RSRC1: variants seen among roughly 807,000 people sequenced by gnomAD.
RSRC1 encodes arginine and serine rich coiled-coil 1.
In RSRC1, 39 loss-of-function variants were observed where a neutral mutation model predicts 49.1. The observed-to-expected ratio is 0.79, with a 90% confidence interval of 0.61 to 1.04. The LOEUF is 1.04. RSRC1 is among the 50% of genes least tolerant of loss of function. The probability of loss-of-function intolerance (pLI) is 0.00; values close to 1 mark genes in which losing one functional copy is unlikely to be tolerated. For missense variants in RSRC1, 388 were observed against 402.4 expected (o/e 0.96, Z 0.31); for synonymous variants, 143 against 130.8 (o/e 1.09, Z -0.63).
chr3:158,179,480 T>G (rs1608968), intron 3 of RSRC1, among the ~76,000 whole-genome samples: 95,883 of 152,032 alleles, frequency 0.63, 30,857 homozygotes, highest in East Asian at 0.73. Flanking sequence ...AGAACGTTTT[T>G]TAAATGGAAT....
At chr3:158,421,476 C>T (rs1043558789) in intron 6 of RSRC1, among the ~76,000 whole-genome samples, 1 of 151,538 alleles carries the variant, frequency 6.6e-6, no homozygotes, top group Non-Finnish European at 1.5e-5. Flanking sequence ...AAGATCATTG[C>T]AGTAATTAAA....
chr3:158,134,524 GATTAGTC>G (rs2108185370), intron 3 of RSRC1, among the ~76,000 whole-genome samples: 1 of 152,244 alleles, frequency 6.6e-6, no homozygotes, highest in East Asian at 1.9e-4. Flanking sequence ...GCATCCTTTA[GATTAGTC>G]ATTTTGAATA....
At chr3:158,518,150 T>TATATA (rs1560073833) in intron 7 of RSRC1, among the ~76,000 whole-genome samples, 1 of 83,642 alleles carries the variant, frequency 1.2e-5, no homozygotes, top group Non-Finnish European at 2.4e-5. Flanking sequence ...ATATATATAT[T>TATATA]TTTTTTTTTT....
intron 6 of RSRC1, among the ~76,000 whole-genome samples, chr3:158,425,220 G>A (rs1395338295): frequency 2.6e-5 from 4 of 152,074 alleles, no homozygotes; most frequent in South Asian, 2.1e-4. Flanking sequence ...GGCATTTAGT[G>A]CTATAAATTT....
At chr3:158,115,471 CTGAAACATTGT>C (rs1559905235) in intron 1 of RSRC1, among the ~76,000 whole-genome samples, 1 of 152,056 alleles carries the variant, frequency 6.6e-6, no homozygotes, top group Non-Finnish European at 1.5e-5. Flanking sequence ...TCTTTACACT[CTGAAACATTGT>C]TGAGGACTCC....
chr3:158,359,363 G>T (rs1248674563), intron 6 of RSRC1, among the ~76,000 whole-genome samples: 4 of 152,174 alleles, frequency 2.6e-5, no homozygotes, highest in Non-Finnish European at 5.9e-5. Context: ...ACCTAGCCCA[G>T]AGCCTGAAAA....
At chr3:158,255,086 AT>A (rs901810652) in intron 4 of RSRC1, among the ~76,000 whole-genome samples, 1 of 152,080 alleles carries the variant, frequency 6.6e-6, no homozygotes, top group African/African-American at 2.4e-5. Flanking sequence ...TCATTTGTCT[AT>A]TTTGGCTTTT....
chr3:158,279,535 G>A (rs910541402), intron 4 of RSRC1, among the ~76,000 whole-genome samples: 2 of 152,200 alleles, frequency 1.3e-5, no homozygotes, highest in Non-Finnish European at 2.9e-5. Context: ...AATAGAATAA[G>A]CTAGCGCACT....
chr3:158,286,017 A>C (rs1159110844), intron 4 of RSRC1, among the ~76,000 whole-genome samples: 1 of 152,184 alleles, frequency 6.6e-6, no homozygotes, highest in Non-Finnish European at 1.5e-5. Flanking sequence ...ACTGTGCACT[A>C]TAAAATTTTC....
chr3:158,271,081 G>T (rs1289294312), intron 4 of RSRC1, among the ~76,000 whole-genome samples: 1 of 152,030 alleles, frequency 6.6e-6, no homozygotes, highest in Non-Finnish European at 1.5e-5. Context: ...AGCCTTTGTA[G>T]TCATAAACAT....
At position 158,194,982 on chromosome 3, in the gene RSRC1, G is replaced by A. The variant is rs372245549; in HGVS notation, c.321-8090G>A. On this transcript the variant is annotated intron_variant, in intron 3 of 9. Coordinates refer to ENST00000611884, the MANE Select transcript of RSRC1 (RefSeq NM_001271838.2). Reference sequence around the variant, plus strand: ...TACATGTGCATGTGTCTTTATAGCAGCATGATTTATAATCCTTTGGGTATA... The same window carrying A: ...TACATGTGCATGTGTCTTTATAGCAACATGATTTATAATCCTTTGGGTATA... 1.0e-3 allele frequency among the ~76,000 whole-genome samples: 158 copies of A among 152,222 alleles called. 2 individuals are homozygous for A. In the East Asian group the frequency reaches 0.019, roughly 19 times the overall value.
At chr3:158,457,838 A>G (rs1156233362) in intron 6 of RSRC1, among the ~76,000 whole-genome samples, 3 of 151,330 alleles carry the variant, frequency 2.0e-5, no homozygotes, top group African/African-American at 7.3e-5. Flanking sequence ...TGAAAATGCT[A>G]TGGGGGCAAA....
chr3:158,139,018 G>T lies in RSRC1; in HGVS notation c.320+15027G>T, dbSNP rs114834788. 4.7e-3 allele frequency among the ~76,000 whole-genome samples: 717 copies of T among 152,264 alleles called. 3 individuals carry two copies. The highest frequency in any genetic ancestry group is 6.0e-3 in the Non-Finnish European group (410 of 68,014). ...GTATTTATAAATCTGTTTCTTAAAA[G>T]ATCATCATATTTGTTCTGTTTTCTA... On this transcript the variant is annotated intron_variant, in intron 3 of 9. Coordinates refer to ENST00000611884, the MANE Select transcript of RSRC1 (RefSeq NM_001271838.2).
chr3:158,524,930 A>G (rs1319278886), intron 7 of RSRC1, among the ~76,000 whole-genome samples: 1 of 152,030 alleles, frequency 6.6e-6, no homozygotes, highest in African/African-American at 2.4e-5. Flanking sequence ...ACCCATAAGA[A>G]TTAGCTTGAA....
intron 6 of RSRC1, among the ~76,000 whole-genome samples, chr3:158,423,058 T>C (rs1173453028): frequency 6.6e-6 from 1 of 152,184 alleles, no homozygotes; most frequent in African/African-American, 2.4e-5. Flanking sequence ...TTTCCTTTGC[T>C]GTGCAGAAGC....
In RSRC1 at chr3:158,164,250, G is replaced by A. The variant is rs147167873; in HGVS notation, c.321-38822G>A. 1.5e-3 allele frequency among the ~76,000 whole-genome samples: 235 copies of A among 152,132 alleles called. 4 individuals carry two copies. The highest frequency in any genetic ancestry group is 5.5e-3 in the African/African-American group (229 of 41,548). ...ATGAGCAAACGCAAATTACAGAGAAGCAGGAGACATCTATCATATGTCGAA... is the reference window on the plus strand; with the variant it reads ...ATGAGCAAACGCAAATTACAGAGAAACAGGAGACATCTATCATATGTCGAA... On this transcript the variant is annotated intron_variant, in intron 3 of 9. Coordinates refer to ENST00000611884, the MANE Select transcript of RSRC1 (RefSeq NM_001271838.2).
chr3:158,185,631 T>G (rs1023676265), intron 3 of RSRC1, among the ~76,000 whole-genome samples: 2 of 151,950 alleles, frequency 1.3e-5, no homozygotes, highest in African/African-American at 4.8e-5. Flanking sequence ...CTCAGACTTA[T>G]GAGTGTCCAT....
chr3:158,255,826 T>C (rs1408173594), intron 4 of RSRC1, among the ~76,000 whole-genome samples: 1 of 152,206 alleles, frequency 6.6e-6, no homozygotes, highest in Non-Finnish European at 1.5e-5. Context: ...CAATTGTGAA[T>C]GGGAGTTCAC....
At chr3:158,325,882 G>C (rs1206476685) in intron 5 of RSRC1, among the ~76,000 whole-genome samples, 2 of 152,274 alleles carry the variant, frequency 1.3e-5, no homozygotes, top group South Asian at 2.1e-4. Context: ...TCTTCCATTT[G>C]TTTGTATCCT....
Sources: allele counts gnomAD v4.1 joint callset (sites outside exome capture counted in the v4.1 genomes callset), GRCh38; gene constraint gnomAD v4.1.1; transcripts MANE v1.5; gene names NCBI Gene and HGNC (gene_info 2026-07-23, HGNC 2026-07-21).